Variants in MAPT observed in about 807,000 individuals in gnomAD.
MAPT encodes microtubule associated protein tau.
MAPT carries 34 observed loss-of-function variants against 67.9 expected under a neutral mutation model. The observed-to-expected ratio is 0.50, with a 90% CI of 0.38 to 0.67. The LOEUF is 0.67. Among genes scored for constraint, MAPT ranks in the 30% least tolerant of loss-of-function variants. The probability of loss-of-function intolerance (pLI) is 0.00; values close to 1 mark genes in which losing one functional copy is unlikely to be tolerated. For missense variants in MAPT, 881 were observed against 1,115.2 expected, an observed-to-expected ratio of 0.79 and a Z score of 2.99; for synonymous variants, 456 against 464.5, an observed-to-expected ratio of 0.98 and a Z score of 0.23.
chr17:45,987,101 C>T lies in MAPT; in HGVS notation c.1407+6C>T. On this transcript the variant is annotated splice_donor_region_variant and intron_variant, in intron 6 of 12. Transcript: ENST00000262410. ...GCGATGACAAAAAAGCCAAGGTAAG[C>T]TGACGATGCCACGGAGCTCTGCAGC... The T allele has an allele frequency of 6.2e-7, 1 of 1,613,954 alleles. No homozygotes were observed. The highest frequency in any genetic ancestry group is 8.5e-7 in the Non-Finnish European group (1 of 1,179,858).
intron 8 of MAPT, 147 bp downstream of exon 8, chr17:45,991,733 T>G: frequency 4.9e-6 from 5 of 1,012,746 alleles, no homozygotes; most frequent in East Asian, 2.6e-5. Context: ...GGAGTCTTCA[T>G]TGCCTTCTCA....
intron 3 of MAPT, chr17:45,974,492 C>A: frequency 3.8e-6 from 6 of 1,580,062 alleles, no homozygotes; most frequent in Non-Finnish European, 5.2e-6. Flanking sequence ...GCCCCAGAGA[C>A]CCCCAGGCAG....
chr17:45,961,610 C>A (rs997757566), intron 1 of MAPT, among the ~76,000 whole-genome samples: 5 of 152,214 alleles, frequency 3.3e-5, no homozygotes, highest in Admixed American at 2.0e-4. Context: ...ACCAGACAGG[C>A]TCTGCTGATG....
Position 46,028,206 on chromosome 17 carries a change from A to G in MAPT, c.*4035A>G, listed in dbSNP as rs949333236. On this transcript the variant is annotated 3_prime_UTR_variant, in exon 13 of 13. Transcript: ENST00000262410. ...TAATTCTGAGGGTGGGGGGAGGGAC[A>G]TGAAATCATCTTAGCTTAGCTTTCT... The G allele has an allele frequency of 6.7e-6, 1 of 148,412 alleles. No homozygotes were observed. Among genetic ancestry groups the G allele is most frequent in the Admixed American group, 6.8e-5 (1 of 14,772 alleles). 9.2% of individuals were successfully genotyped at this position (148,412 alleles called of 1,614,324 possible). A position where few individuals can be genotyped will look rare whatever the true frequency, so the allele number is the denominator to read the frequency against.
chr17:45,994,727 G>C (rs894076793), intron 8 of MAPT, among the ~76,000 whole-genome samples: 2 of 152,154 alleles, frequency 1.3e-5, no homozygotes, highest in African/African-American at 4.8e-5. Context: ...TGGGTGCGGT[G>C]GCTCATGCCT....
chr17:45,978,107 C>T, intron 3 of MAPT: 1 of 505,736 alleles, frequency 2.0e-6, no homozygotes, highest in Non-Finnish European at 3.6e-6. Flanking sequence ...ATTCAGGACC[C>T]TGGTCCCAAA....
intron 3 of MAPT, chr17:45,973,742 C>A (rs1350388516): frequency 6.5e-6 from 1 of 152,794 alleles, no homozygotes; most frequent in African/African-American, 2.4e-5. Flanking sequence ...GGTAGCCGAG[C>A]TTTCCCTCCT....
At chr17:45,901,914 C>CA (rs2063635970) in intron 1 of MAPT, among the ~76,000 whole-genome samples, 1 of 132,118 alleles carries the variant, frequency 7.6e-6, no homozygotes, top group Non-Finnish European at 1.6e-5. Context: ...AGGGATTTTA[C>CA]TTTTTTTTTT....
Position 46,024,253 on chromosome 17 carries a change from C to T in MAPT, c.*82C>T, listed in dbSNP as rs2076710486. Reference sequence around the variant, plus strand: ...AAAAAAAGAATAATGACCCGGCCCCCGCCCTCTGCCCCCAGCTGCTCCTCG... The same window carrying T: ...AAAAAAAGAATAATGACCCGGCCCCTGCCCTCTGCCCCCAGCTGCTCCTCG... On this transcript the variant is annotated 3_prime_UTR_variant, in exon 13 of 13. Transcript: ENST00000262410. The T allele has an allele frequency of 8.9e-6, 11 of 1,235,034 alleles. No individual in the cohort carries two copies. Among genetic ancestry groups the T allele is most frequent in the Middle Eastern group, 2.5e-4 (1 of 3,988 alleles). The allele number at this position is 1,235,034 out of a possible 1,614,324, so 76.5% of individuals were successfully genotyped here. A position where few individuals can be genotyped will look rare whatever the true frequency, so the allele number is the denominator to read the frequency against.
chr17:45,960,860 T>A (rs1225843763), intron 1 of MAPT, among the ~76,000 whole-genome samples: 3 of 142,122 alleles, frequency 2.1e-5, no homozygotes, highest in Non-Finnish European at 3.1e-5. Flanking sequence ...AAAAAAAAAT[T>A]CAGGCCTCCT....
chr17:45,905,793 T>C (rs75617973), intron 1 of MAPT, among the ~76,000 whole-genome samples: 21,844 of 152,266 alleles, frequency 0.14, 2,142 homozygotes, highest in Middle Eastern at 0.22. Context: ...GATAATGTGG[T>C]CTCTCTTCTG....
chr17:45,908,570 T>C, intron 1 of MAPT, among the ~76,000 whole-genome samples: 1 of 152,124 alleles, frequency 6.6e-6, no homozygotes, highest in East Asian at 1.9e-4. Context: ...ACTTTCCCCA[T>C]GTCTACACCA....
intron 1 of MAPT, among the ~76,000 whole-genome samples, chr17:45,903,792 A>G (rs2063797177): frequency 1.5e-5 from 1 of 65,204 alleles, no homozygotes; most frequent in Admixed American, 2.9e-4. Context: ...AAAATATAAT[A>G]TATATATTTA....
At chr17:45,978,548 C>G (rs372023609) in intron 4 of MAPT, 108 bp downstream of exon 4, 25 of 898,578 alleles carry the variant, frequency 2.8e-5, no homozygotes, top group Middle Eastern at 5.1e-4. Flanking sequence ...TTCACAAGTC[C>G]AGGAGATTTT....
chr17:45,956,181 C>T (rs2069632925), intron 1 of MAPT, among the ~76,000 whole-genome samples: 1 of 152,336 alleles, frequency 6.6e-6, no homozygotes, highest in Admixed American at 6.5e-5. Flanking sequence ...CCTGCTCTGT[C>T]TCTGTGCAAA....
intron 11 of MAPT, 130 bp from the exon 12 acceptor site, chr17:46,018,488 C>T: frequency 1.3e-6 from 1 of 789,888 alleles, no homozygotes; most frequent in Non-Finnish European, 2.3e-6. Context: ...GGCACCCAAT[C>T]TAATTTTTGC....
intron 7 of MAPT, among the ~76,000 whole-genome samples, chr17:45,990,335 T>G (rs564870717): frequency 6.6e-6 from 1 of 152,178 alleles, no homozygotes; most frequent in East Asian, 1.9e-4. Flanking sequence ...ACTCTAAGGC[T>G]GGGCACGGTG....
In MAPT at chr17:45,915,444, ATG is replaced by A. The variant is rs2065125625; in HGVS notation, c.-18+20763_-18+20764del. On this transcript the variant is annotated intron_variant, in intron 1 of 12. Transcript: ENST00000262410. This position sits in a 1 kb window ranked among gnomAD's most constrained non-coding sequence, Gnocchi z 4.4. Reference sequence around the variant, plus strand: ...TGTGATGTGTGTGTGGTGTGTAAGCATGTGTGAGTGTGTATGTTTGAGCATGT... The same window carrying A: ...TGTGATGTGTGTGTGGTGTGTAAGCATGTGAGTGTGTATGTTTGAGCATGT... Among the ~76,000 whole-genome samples, 1 of 122,228 alleles carries A rather than the reference ATG, an allele frequency of 8.2e-6. No homozygotes were observed. Among genetic ancestry groups the A allele is most frequent in the African/African-American group, 2.6e-5 (1 of 37,848 alleles). The allele number at this position is 122,228 out of a possible 152,430, so 80.2% of individuals were successfully genotyped here.
At chr17:45,933,939 A>C (rs1329028073) in intron 1 of MAPT, among the ~76,000 whole-genome samples, 2 of 151,422 alleles carry the variant, frequency 1.3e-5, no homozygotes. Context: ...GATTTGAGTT[A>C]AATTCTAGCA....
Sources: gnomAD v4.1 joint callset for allele counts (sites outside exome capture counted in the v4.1 genomes callset) on GRCh38, gnomAD v4.1.1 for gene constraint, Gnocchi (gnomAD v3.1) non-coding constraint, MANE v1.5 for transcripts, NCBI Gene and HGNC (gene_info 2026-07-23, HGNC 2026-07-21) for gene names.